UNC13C: variants seen among roughly 807,000 people sequenced by gnomAD.
UNC13C encodes unc-13 homolog C.
A neutral mutation model predicts 245.4 loss-of-function variants in UNC13C; 174 were observed. That is an observed-to-expected ratio of 0.71 (90% CI 0.63 to 0.80). The LOEUF (loss-of-function observed/expected upper bound fraction) is 0.80. Among genes scored for constraint, UNC13C ranks in the 30% least tolerant of loss-of-function variants. The pLI is 0.00. For missense variants in UNC13C, 2,829 were observed against 2,602.9 expected (o/e 1.09, Z -1.89); for synonymous variants, 992 against 895.1 (o/e 1.11, Z -1.93).
chr15:53,948,054 A>C, the UNC13C span: 1 of 152,226 alleles, frequency 6.6e-6, no homozygotes, highest in African/African-American at 2.4e-5. Context: ...AAGGTAAATG[A>C]ACAAGAACTG....
At chr15:54,520,914 G>T (rs1895190025) in intron 24 of UNC13C, among the ~76,000 whole-genome samples, 1 of 152,076 alleles carries the variant, frequency 6.6e-6, no homozygotes, top group South Asian at 2.1e-4. Context: ...AAGGATATTG[G>T]CTAGATGTCA....
chr15:54,199,033 G>A (rs1177928502), intron 4 of UNC13C, among the ~76,000 whole-genome samples: 1 of 151,824 alleles, frequency 6.6e-6, no homozygotes, highest in East Asian at 1.9e-4. Context: ...CACACTCAGA[G>A]GAATGCAAAA....
At chr15:53,894,575 G>C in the UNC13C span, among the ~76,000 whole-genome samples, 1 of 152,174 alleles carries the variant, frequency 6.6e-6, no homozygotes, top group African/African-American at 2.4e-5. Context: ...TTGAATGGAG[G>C]CATGATGGTT....
At chr15:54,223,524 G>A (rs895513480) in intron 4 of UNC13C, among the ~76,000 whole-genome samples, 10 of 151,892 alleles carry the variant, frequency 6.6e-5, no homozygotes, top group African/African-American at 2.4e-4. Flanking sequence ...GTCAGATAAG[G>A]TGATTCTTTA....
At chr15:54,624,563 G>T (rs540934664) in intron 32 of UNC13C, among the ~76,000 whole-genome samples, 8 of 152,154 alleles carry the variant, frequency 5.3e-5, no homozygotes, top group African/African-American at 1.9e-4. Flanking sequence ...TCCACTGAAG[G>T]GTTTTCAAAT....
intron 26 of UNC13C, among the ~76,000 whole-genome samples, chr15:54,538,755 A>G (rs960574638): frequency 3.3e-5 from 5 of 152,106 alleles, no homozygotes; most frequent in African/African-American, 1.2e-4. Flanking sequence ...ACAGGAAACC[A>G]AATACTGCAT....
At chr15:54,437,934 C>G (rs184576695) in intron 19 of UNC13C, among the ~76,000 whole-genome samples, 1 of 152,016 alleles carries the variant, frequency 6.6e-6, no homozygotes, top group East Asian at 1.9e-4. Flanking sequence ...TGTGTCATTC[C>G]TATGTCCTTT....
In UNC13C at chr15:54,546,837, G is replaced by T; in HGVS notation, c.5812G>T (p.Asp1938Tyr). The T allele has an allele frequency of 6.3e-7, 1 of 1,578,652 alleles. No individual in the cohort carries two copies. The highest frequency in any genetic ancestry group is 1.2e-5 in the South Asian group (1 of 84,280). Residue 1938 changes from aspartate to tyrosine, a missense_variant, in exon 27 of 33, where the codon GAT becomes TAT. By Grantham distance (160) the Asp-to-Tyr change is radical. Coordinates refer to ENST00000260323, the MANE Select transcript of UNC13C (RefSeq NM_001080534.3). ...ACAAATTGTTCTTCCTCCTCTGACA[G>T]ATCAAACAGTAAGTATATAAAGTTT... ...EKQIVLPPLT[D>Y]QTGPQMIFIA... is the part of the protein sequence containing the mutation.
chr15:53,926,847 G>A, the UNC13C span, among the ~76,000 whole-genome samples: 1 of 152,206 alleles, frequency 6.6e-6, no homozygotes, highest in South Asian at 2.1e-4. Flanking sequence ...CGGCAGGACA[G>A]GATCAGGGAT....
At chr15:54,124,336 T>G (rs1441814715) in intron 2 of UNC13C, among the ~76,000 whole-genome samples, 1 of 152,258 alleles carries the variant, frequency 6.6e-6, no homozygotes, top group Non-Finnish European at 1.5e-5. Context: ...TTATTTGTTC[T>G]ATTAAATGTG....
chr15:54,201,117 G>C (rs1370520474), intron 4 of UNC13C, among the ~76,000 whole-genome samples: 1 of 151,964 alleles, frequency 6.6e-6, no homozygotes, highest in East Asian at 1.9e-4. Flanking sequence ...GAACCAGGAA[G>C]ATATAGAATC....
intron 2 of UNC13C, among the ~76,000 whole-genome samples, chr15:54,126,223 T>C (rs2031028398): frequency 6.6e-6 from 1 of 152,018 alleles, no homozygotes; most frequent in Non-Finnish European, 1.5e-5. Context: ...AACTATATGC[T>C]CTCCATAAGG....
intron 10 of UNC13C, among the ~76,000 whole-genome samples, chr15:54,283,299 A>G (rs377080088): frequency 1.3e-5 from 2 of 152,216 alleles, no homozygotes; most frequent in Non-Finnish European, 2.9e-5. Flanking sequence ...AAAACGATGT[A>G]TATATCCAAT....
chr15:54,021,555 G>T (rs768116247), intron 2 of UNC13C, among the ~76,000 whole-genome samples: 6 of 152,148 alleles, frequency 3.9e-5, no homozygotes, highest in Admixed American at 1.3e-4. Context: ...GTGTTCCATT[G>T]TGTGTACATC....
the UNC13C span, among the ~76,000 whole-genome samples, chr15:53,844,885 G>A: frequency 6.6e-6 from 1 of 152,156 alleles, no homozygotes; most frequent in Non-Finnish European, 1.5e-5. Context: ...GACAAGGAGA[G>A]AGTGTTTGTC....
intron 20 of UNC13C, among the ~76,000 whole-genome samples, chr15:54,496,106 C>T (rs1247653977): frequency 6.6e-6 from 1 of 151,978 alleles, no homozygotes; most frequent in African/African-American, 2.4e-5. Flanking sequence ...TGAAGTAATG[C>T]ATTTGTTAAT....
At position 54,211,075 on chromosome 15, in the gene UNC13C, C is replaced by A. The variant is rs563366350; in HGVS notation, c.3072-23955C>A. 8.5e-5 allele frequency among the ~76,000 whole-genome samples: 13 copies of A among 152,190 alleles called. No homozygotes were observed. In the South Asian group the frequency reaches 2.7e-3, roughly 32 times the overall value. ...GCAGCACTCTATAGCACTTAGTAGG[C>A]TAGGTATCATAGTAGAAACTCAGTG... On this transcript the variant is annotated intron_variant, in intron 4 of 32. Transcript: ENST00000260323.
chr15:54,264,142 C>T (rs1386935679), intron 8 of UNC13C, 26 bp from the exon 9 acceptor site: 2 of 1,552,982 alleles, frequency 1.3e-6, no homozygotes, highest in South Asian at 2.4e-5. Flanking sequence ...TTTCCATTCA[C>T]ATCACCATTG....
chr15:54,577,466 G>A (rs1898004237), intron 30 of UNC13C, among the ~76,000 whole-genome samples: 1 of 152,172 alleles, frequency 6.6e-6, no homozygotes, highest in Admixed American at 6.5e-5. Flanking sequence ...AGGAGGCTGA[G>A]CTGTGTGGGT....
Sources: allele counts gnomAD v4.1 joint callset (sites outside exome capture counted in the v4.1 genomes callset), GRCh38; gene constraint gnomAD v4.1.1; transcripts MANE v1.5; gene names NCBI Gene and HGNC (gene_info 2026-07-23, HGNC 2026-07-21).